ITFG1: variants seen among roughly 807,000 people sequenced by gnomAD.
ITFG1 encodes the protein T-cell immunomodulatory protein.
Under a neutral mutation model 81.8 loss-of-function variants are expected in ITFG1, and 34 were observed. The observed-to-expected ratio is 0.42, with a 90% CI of 0.32 to 0.55. The LOEUF (loss-of-function observed/expected upper bound fraction) is 0.55. Ranked by LOEUF, ITFG1 falls within the 20% of genes least tolerant of loss-of-function variation. ITFG1 has a pLI of 0.17. For missense variants in ITFG1, 672 were observed against 755.4 expected, an observed-to-expected ratio of 0.89 and a Z score of 1.29; for synonymous variants, 285 against 270.6, an observed-to-expected ratio of 1.05 and a Z score of -0.52.
rs540613810 is a variant in ITFG1 at position 47,183,220 on chromosome 16, C to A, written c.1454-20556G>T. Among the ~76,000 whole-genome samples, 485 of 152,340 alleles carry A rather than the reference C, an allele frequency of 3.2e-3. 2 individuals carry two copies. The highest frequency in any genetic ancestry group is 3.5e-3 in the Non-Finnish European group (237 of 68,038). On this transcript the variant is annotated intron_variant, in intron 14 of 17. Coordinates refer to ENST00000320640, the MANE Select transcript of ITFG1 (RefSeq NM_030790.5). ...GCTGGGGGAGGGGTGCCCACCATTG[C>A]CCAGGCTTGCTTAGGTAAACAAAGC...
chr16:47,451,025 T>A (rs1969381871), intron 5 of ITFG1, among the ~76,000 whole-genome samples: 1 of 152,126 alleles, frequency 6.6e-6, no homozygotes, highest in Non-Finnish European at 1.5e-5. Flanking sequence ...AAGAAACAAA[T>A]CTTATCAATT....
intron 14 of ITFG1, among the ~76,000 whole-genome samples, chr16:47,201,880 T>C (rs914134649): frequency 3.3e-5 from 5 of 152,222 alleles, no homozygotes; most frequent in African/African-American, 4.8e-5. Context: ...ATACCATATA[T>C]AAATAGATTT....
chr16:47,298,089 G>T (rs1596870121), intron 10 of ITFG1, among the ~76,000 whole-genome samples: 1 of 151,934 alleles, frequency 6.6e-6, no homozygotes, highest in Admixed American at 6.6e-5. Flanking sequence ...TGCTTTGCTT[G>T]CTCTAGTCTC....
At chr16:47,329,195 C>T (rs531106942) in intron 8 of ITFG1, among the ~76,000 whole-genome samples, 5 of 151,838 alleles carry the variant, frequency 3.3e-5, no homozygotes, top group East Asian at 1.9e-4. Context: ...GGGCAGAAGA[C>T]GAGAATCAAA....
chr16:47,329,969 T>C (rs1967615024), intron 8 of ITFG1, among the ~76,000 whole-genome samples: 1 of 152,112 alleles, frequency 6.6e-6, no homozygotes, highest in Non-Finnish European at 1.5e-5. Context: ...CAGTTGCTTT[T>C]ACATAAGCCA....
rs80246325 is a variant in ITFG1 at position 47,353,289 on chromosome 16, A to C, written c.802+12499T>G. ...CATAAAAATGGTTCAATATACACAAATCAATAAATGAGATTGACAATAATA... is the reference window on the plus strand; with the variant it reads ...CATAAAAATGGTTCAATATACACAACTCAATAAATGAGATTGACAATAATA... On this transcript the variant is annotated intron_variant, in intron 8 of 17. Transcript: ENST00000320640. Among the ~76,000 whole-genome samples the C allele has an allele frequency of 2.0e-3, 308 of 152,242 alleles. 8 individuals are homozygous for C. The East Asian group carries it at 0.05, about 25-fold the overall frequency.
At chr16:47,232,790 A>G (rs1965829842) in intron 13 of ITFG1, among the ~76,000 whole-genome samples, 2 of 151,886 alleles carry the variant, frequency 1.3e-5, no homozygotes, top group Admixed American at 1.3e-4. Flanking sequence ...ACAGGTGCAC[A>G]CCACCACACC....
intron 11 of ITFG1, among the ~76,000 whole-genome samples, chr16:47,259,710 CT>C (rs1311033547): frequency 6.6e-6 from 1 of 152,028 alleles, no homozygotes; most frequent in Non-Finnish European, 1.5e-5. Flanking sequence ...TTTAACATTG[CT>C]TTTTTCAGAA....
chr16:47,204,201 A>C (rs1278252820), intron 14 of ITFG1, among the ~76,000 whole-genome samples: 1 of 152,190 alleles, frequency 6.6e-6, no homozygotes, highest in Non-Finnish European at 1.5e-5. Flanking sequence ...TTTCCATGGC[A>C]TCTGACAGCC....
chr16:47,451,483 TAAAAC>T lies in ITFG1; in HGVS notation c.486-18_486-14del, dbSNP rs1481504040. On this transcript the variant is annotated splice_polypyrimidine_tract_variant and intron_variant, in intron 4 of 17. Transcript: ENST00000320640. Reference sequence around the variant, plus strand: ...ATCACCATTGAAACTGAAAAAAAATTAAAACAATAAGCAGCTATTTCTTTAAATTC... The same window carrying T: ...ATCACCATTGAAACTGAAAAAAAATTAATAAGCAGCTATTTCTTTAAATTC... The T allele has an allele frequency of 1.5e-6, 2 of 1,357,494 alleles. No homozygotes were observed. Among genetic ancestry groups the T allele is most frequent in the African/African-American group, 1.4e-5 (1 of 68,988 alleles). 84.1% of individuals were successfully genotyped at this position (1,357,494 alleles called of 1,614,324 possible).
chr16:47,201,441 T>C (rs963053809), intron 14 of ITFG1, among the ~76,000 whole-genome samples: 1 of 152,006 alleles, frequency 6.6e-6, no homozygotes, highest in Non-Finnish European at 1.5e-5. Flanking sequence ...TCTCCTGACC[T>C]CGTGATCCTC....
intron 8 of ITFG1, among the ~76,000 whole-genome samples, chr16:47,331,522 A>G (rs1393504299): frequency 6.6e-6 from 1 of 152,190 alleles, no homozygotes; most frequent in Non-Finnish European, 1.5e-5. Context: ...CCCAAAGAAA[A>G]GGGCTCCATT....
intron 6 of ITFG1, among the ~76,000 whole-genome samples, chr16:47,403,244 T>A (rs952379444): frequency 2.0e-5 from 3 of 151,356 alleles, no homozygotes; most frequent in Admixed American, 6.6e-5. Flanking sequence ...TTTTTTTTTT[T>A]AACTGTAAGT....
intron 9 of ITFG1, 111 bp from the exon 10 acceptor site, chr16:47,311,523 CT>C: frequency 1.3e-6 from 1 of 745,614 alleles, no homozygotes; most frequent in African/African-American, 1.8e-5. Context: ...TTTTACTTAA[CT>C]TTTTTATCTC....
chr16:47,442,578 G>C (rs1969267132), intron 5 of ITFG1, among the ~76,000 whole-genome samples: 1 of 152,066 alleles, frequency 6.6e-6, no homozygotes, highest in African/African-American at 2.4e-5. Flanking sequence ...ACAGAACAGA[G>C]CCCTCAGAAA....
At chr16:47,454,255 TAAAAC>T (rs1969424324) in intron 2 of ITFG1, 97 bp from the exon 3 acceptor site, 24 of 1,039,544 alleles carry the variant, frequency 2.3e-5, no homozygotes, top group Non-Finnish European at 3.4e-5. Context: ...ATGAAAAACT[TAAAAC>T]TTAACAGAAC....
chr16:47,313,690 A>G (rs768373708), intron 9 of ITFG1, 39 bp downstream of exon 9: 12 of 1,137,888 alleles, frequency 1.1e-5, no homozygotes, highest in African/African-American at 1.6e-5. Context: ...TTCCAAGCAC[A>G]TAAAAAAAAA....
At chr16:47,408,495 A>T (rs1375018564) in intron 6 of ITFG1, among the ~76,000 whole-genome samples, 2 of 152,212 alleles carry the variant, frequency 1.3e-5, no homozygotes, top group East Asian at 1.9e-4. Context: ...GAAGTAGAGA[A>T]ATGATCTAAT....
At chr16:47,290,028 AT>A in intron 10 of ITFG1, among the ~76,000 whole-genome samples, 1 of 152,072 alleles carries the variant, frequency 6.6e-6, no homozygotes, top group South Asian at 2.1e-4. Flanking sequence ...TCCTATCTTC[AT>A]TTGCTTCAAA....
Sources: gnomAD v4.1 joint callset for allele counts (sites outside exome capture counted in the v4.1 genomes callset) on GRCh38, gnomAD v4.1.1 for gene constraint, MANE v1.5 for transcripts, NCBI Gene and HGNC (gene_info 2026-07-23, HGNC 2026-07-21) for gene names.